Variants in CAMK4 observed in about 807,000 individuals in gnomAD.
CAMK4 encodes calcium/calmodulin dependent protein kinase IV.
In CAMK4, 22 loss-of-function variants were observed where a neutral mutation model predicts 44.9. The observed-to-expected ratio is 0.49, with a 90% CI of 0.35 to 0.70. The LOEUF (loss-of-function observed/expected upper bound fraction) is 0.70. Among genes scored for constraint, CAMK4 ranks in the 30% least tolerant of loss-of-function variants. The pLI is 0.01. For synonymous variants in CAMK4, 218 were observed against 215.4 expected (o/e 1.01, Z -0.11); for missense variants, 498 against 586.8 (o/e 0.85, Z 1.56).
intron 1 of CAMK4, among the ~76,000 whole-genome samples, chr5:111,246,393 A>G (rs1749241113): frequency 6.6e-6 from 1 of 152,230 alleles, no homozygotes; most frequent in African/African-American, 2.4e-5. Context: ...TAATAAGTAA[A>G]TACTGAAGCA....
At chr5:111,319,545 G>A (rs1437849239) in intron 1 of CAMK4, among the ~76,000 whole-genome samples, 1 of 152,098 alleles carries the variant, frequency 6.6e-6, no homozygotes, top group African/African-American at 2.4e-5. Flanking sequence ...CTAGGCACCT[G>A]GGACATAGAT....
chr5:111,385,048 A>T (rs2112843495), intron 4 of CAMK4, among the ~76,000 whole-genome samples: 1 of 152,304 alleles, frequency 6.6e-6, no homozygotes, highest in East Asian at 1.9e-4. Context: ...CATAGACGCT[A>T]ATATTTTTTA....
chr5:111,289,019 A>C lies in CAMK4; in HGVS notation c.162-55005A>C, dbSNP rs1280946000. Among the ~76,000 whole-genome samples the C allele has an allele frequency of 2.0e-5, 3 of 152,154 alleles. No individual in the cohort carries two copies. The East Asian group carries it at 5.8e-4, about 29-fold the overall frequency. On this transcript the variant is annotated intron_variant, in intron 1 of 10. Coordinates refer to ENST00000282356, the MANE Select transcript of CAMK4 (RefSeq NM_001744.6). The stretch of plus-strand genomic sequence containing the variant: ...GTATGGGTACTGGTGGTTTAGCCTA[A>C]ATAGGAAGCTCATGGTGGGAGAGGA...
At chr5:111,421,041 A>G (rs914450929) in intron 5 of CAMK4, among the ~76,000 whole-genome samples, 1 of 152,226 alleles carries the variant, frequency 6.6e-6, no homozygotes, top group Non-Finnish European at 1.5e-5. Context: ...TGTCCATGAA[A>G]TCTTTACAAT....
At chr5:111,301,386 G>A (rs527793962) in intron 1 of CAMK4, among the ~76,000 whole-genome samples, 1 of 152,248 alleles carries the variant, frequency 6.6e-6, no homozygotes, top group African/African-American at 2.4e-5. Flanking sequence ...GAATAATTCT[G>A]GTGATAACTG....
intron 1 of CAMK4, among the ~76,000 whole-genome samples, chr5:111,257,527 A>G (rs909165805): frequency 6.6e-6 from 1 of 152,210 alleles, no homozygotes; most frequent in African/African-American, 2.4e-5. Context: ...GAGAAATAGG[A>G]ATGCTTTTAC....
At chr5:111,229,606 A>G (rs1748365097) in intron 1 of CAMK4, among the ~76,000 whole-genome samples, 1 of 152,080 alleles carries the variant, frequency 6.6e-6, no homozygotes, top group East Asian at 1.9e-4. Flanking sequence ...AGCTTCTTAG[A>G]TCCTTGATTT....
intron 1 of CAMK4, among the ~76,000 whole-genome samples, chr5:111,332,224 TC>T (rs1343287894): frequency 3.2e-5 from 2 of 63,176 alleles, no homozygotes; most frequent in Non-Finnish European, 6.2e-5. Context: ...ATGCTATCCC[TC>T]CCCCCTCCCC....
At chr5:111,363,775 A>G (rs1750687563) in intron 2 of CAMK4, among the ~76,000 whole-genome samples, 1 of 152,152 alleles carries the variant, frequency 6.6e-6, no homozygotes, top group Non-Finnish European at 1.5e-5. Flanking sequence ...GGACAGTGAC[A>G]TCAGACCAAT....
intron 1 of CAMK4, among the ~76,000 whole-genome samples, chr5:111,227,517 G>T (rs953955856): frequency 6.6e-6 from 1 of 152,228 alleles, no homozygotes; most frequent in African/African-American, 2.4e-5. Context: ...CTGTTGTAAA[G>T]TAGTGACTCC....
At chr5:111,366,189 T>C (rs1750787145) in intron 2 of CAMK4, among the ~76,000 whole-genome samples, 1 of 152,136 alleles carries the variant, frequency 6.6e-6, no homozygotes, top group Non-Finnish European at 1.5e-5. Flanking sequence ...ATAATATCTC[T>C]GGACATCATT....
intron 1 of CAMK4, among the ~76,000 whole-genome samples, chr5:111,322,501 C>G (rs1748705604): frequency 6.6e-6 from 1 of 152,056 alleles, no homozygotes; most frequent in South Asian, 2.1e-4. Context: ...AGCAATGTAA[C>G]TGCCTGCTAC....
intron 7 of CAMK4, among the ~76,000 whole-genome samples, chr5:111,458,260 T>C (rs1754489697): frequency 6.6e-6 from 1 of 152,090 alleles, no homozygotes; most frequent in Non-Finnish European, 1.5e-5. Context: ...CGAGGAAGGG[T>C]CATCCAGAGC....
In CAMK4 at chr5:111,484,234, T is replaced by G. The variant is rs779066316; in HGVS notation, c.1190T>G (p.Val397Gly). The change falls in exon 11 of 11, where the codon GTG (valine) becomes GGG (glycine). Residue 397 changes from valine (V) to glycine (G), a missense_variant. Transcript: ENST00000282356. The surrounding 1 kb of genome is among the most constrained non-coding windows in gnomAD (Gnocchi z 5.3). ...GGGGCACAGGCTGAGCTGATGAAGG[T>G]GCAAGCCTTAGAGAAAGTTAAAGGT... ...VKGAQAELMKVQALEKVKGAD... is the reference protein window; with the variant it reads ...VKGAQAELMKGQALEKVKGAD... The G allele has an allele frequency of 6.2e-7, 1 of 1,614,096 alleles. No individual in the cohort carries two copies. Among genetic ancestry groups the G allele is most frequent in the Non-Finnish European group, 8.5e-7 (1 of 1,180,004 alleles).
At chr5:111,284,817 G>A (rs1173874753) in intron 1 of CAMK4, among the ~76,000 whole-genome samples, 2 of 152,112 alleles carry the variant, frequency 1.3e-5, no homozygotes, top group Non-Finnish European at 2.9e-5. Flanking sequence ...TGTGTAGTGA[G>A]ATTTTTATTT....
At chr5:111,437,615 A>G (rs1753692223) in intron 5 of CAMK4, among the ~76,000 whole-genome samples, 1 of 152,222 alleles carries the variant, frequency 6.6e-6, no homozygotes, top group South Asian at 2.1e-4. Context: ...GGATAGGTAC[A>G]GTTTCCCTGA....
chr5:111,400,409 T>G (rs975809160), intron 5 of CAMK4, among the ~76,000 whole-genome samples: 2 of 152,230 alleles, frequency 1.3e-5, no homozygotes, highest in African/African-American at 2.4e-5. Flanking sequence ...GAGTAATCAG[T>G]GGTACATCTC....
At chr5:111,465,452 CA>C (rs996578050) in intron 7 of CAMK4, among the ~76,000 whole-genome samples, 1 of 151,812 alleles carries the variant, frequency 6.6e-6, no homozygotes, top group African/African-American at 2.4e-5. Context: ...AAAAGATAAC[CA>C]TTAGCAAGAT....
At chr5:111,252,995 C>G (rs2112544545) in intron 1 of CAMK4, among the ~76,000 whole-genome samples, 1 of 152,342 alleles carries the variant, frequency 6.6e-6, no homozygotes, top group South Asian at 2.1e-4. Context: ...GGCTGTCAGT[C>G]ATGTTTGCAT....
Sources: gnomAD v4.1 joint callset for allele counts (sites outside exome capture counted in the v4.1 genomes callset) on GRCh38, gnomAD v4.1.1 for gene constraint, Gnocchi (gnomAD v3.1) non-coding constraint, MANE v1.5 for transcripts, NCBI Gene and HGNC (gene_info 2026-07-23, HGNC 2026-07-21) for gene names.